The following CCDC88C variants were observed in gnomAD, a reference collection of about 807,000 sequenced individuals.
The protein encoded by CCDC88C is coiled-coil and HOOK domain protein 88C.
CCDC88C carries 131 observed loss-of-function variants against 198.8 expected under a neutral mutation model. The observed-to-expected ratio is 0.66, with a 90% CI of 0.57 to 0.76. The LOEUF is 0.76. Ranked by LOEUF, CCDC88C falls within the 30% of genes least tolerant of loss-of-function variation. CCDC88C has a pLI of 0.00. For synonymous variants in CCDC88C, 1,166 were observed against 1,114.7 expected (o/e 1.05, Z -0.92); for missense variants, 2,553 against 2,631.6 (o/e 0.97, Z 0.65).
At chr14:91,386,792 C>T (rs181451236) in intron 3 of CCDC88C, among the ~76,000 whole-genome samples, 5 of 152,286 alleles carry the variant, frequency 3.3e-5, no homozygotes, top group Admixed American at 3.3e-4. Flanking sequence ...CCAAAACAGC[C>T]CTGGGCTCTG....
rs187526513 is a variant in CCDC88C at position 91,310,260 on chromosome 14, C to A, written c.2737-274G>T. On this transcript the variant is annotated intron_variant, in intron 15 of 29. Coordinates refer to ENST00000389857, the MANE Select transcript of CCDC88C (RefSeq NM_001080414.4). ...TTCTCTAAGTCATGTATTTGAAATG[C>A]CACTTATGTTGACCTTTAAGTAGTA... Among the ~76,000 whole-genome samples the A allele has an allele frequency of 2.4e-3, 366 of 152,042 alleles. 2 individuals carry two copies. Among genetic ancestry groups the A allele is most frequent in the African/African-American group, 8.5e-3 (353 of 41,464 alleles).
chr14:91,312,331 T>G (rs932973958), intron 15 of CCDC88C, among the ~76,000 whole-genome samples: 1 of 152,076 alleles, frequency 6.6e-6, no homozygotes, highest in Admixed American at 6.5e-5. Flanking sequence ...GAGCCTGCAG[T>G]GAGCTGGGGT....
At position 91,363,734 on chromosome 14, in the gene CCDC88C, C is replaced by T. The variant is rs1285811; in HGVS notation, c.271-4023G>A. 8.7e-3 allele frequency among the ~76,000 whole-genome samples: 1,332 copies of T among 152,374 alleles called. 24 individuals are homozygous for T. Among genetic ancestry groups the T allele is most frequent in the East Asian group, 0.021 (110 of 5,182 alleles). Reference sequence around the variant, plus strand: ...AAAATTCATTTCCACAGTCACACTGCGGTATCTCCAGGCCCTGAAGGCCAC... The same window carrying T: ...AAAATTCATTTCCACAGTCACACTGTGGTATCTCCAGGCCCTGAAGGCCAC... On this transcript the variant is annotated intron_variant, in intron 3 of 29. Coordinates refer to ENST00000389857, the MANE Select transcript of CCDC88C (RefSeq NM_001080414.4).
chr14:91,392,370 G>A (rs1015553614), intron 3 of CCDC88C, among the ~76,000 whole-genome samples: 85 of 152,086 alleles, frequency 5.6e-4, no homozygotes, highest in African/African-American at 1.7e-3. Context: ...ATGGAGCTCC[G>A]AGGGGCTGGC....
At position 91,291,001 on chromosome 14, in the gene CCDC88C, G is replaced by T; in HGVS notation, c.4196C>A (p.Pro1399Gln). 6.4e-7 allele frequency: 1 copy of T among 1,570,974 alleles called. No individual in the cohort carries two copies. The highest frequency in any genetic ancestry group is 1.1e-5 in the South Asian group (1 of 87,768). The change falls in exon 24 of 30, where the codon CCA (proline) becomes CAA (glutamine). Residue 1399 changes from proline (P) to glutamine (Q), a missense_variant. Around this residue, in one of 2 missense-constraint regions of CCDC88C, gnomAD observed 1,293 missense variants for 1,219.6 expected, o/e 1.06. Coordinates refer to ENST00000389857, the MANE Select transcript of CCDC88C (RefSeq NM_001080414.4). ...TACACTTAAATCAACTCACTTCTTT[G>T]GAGGAGGATCATAGAACTTGTATTG... ...MDQYKFYDPP[P>Q]KKKNHWIGAK...
chr14:91,298,812 C>T (rs7141364), intron 21 of CCDC88C, among the ~76,000 whole-genome samples: 2,351 of 152,232 alleles, frequency 0.015, 60 homozygotes, highest in African/African-American at 0.054. Context: ...CCCGTATACA[C>T]GAACTCGAGT....
intron 3 of CCDC88C, among the ~76,000 whole-genome samples, chr14:91,376,303 A>G (rs1596130394): frequency 6.6e-6 from 1 of 152,208 alleles, no homozygotes; most frequent in East Asian, 1.9e-4. Context: ...CTTGGTCGCC[A>G]TCTTCTGCGC....
chr14:91,340,247 T>C (rs1742563), intron 6 of CCDC88C, among the ~76,000 whole-genome samples: 1,824 of 152,302 alleles, frequency 0.012, 30 homozygotes, highest in East Asian at 0.022. Flanking sequence ...GAGAGGATGC[T>C]GATTTTCAAA....
chr14:91,375,727 C>T (rs1314408881), intron 3 of CCDC88C, among the ~76,000 whole-genome samples: 18 of 152,204 alleles, frequency 1.2e-4, no homozygotes. Context: ...TGGACTCTTC[C>T]AGCCCAAGCC....
At position 91,281,524 on chromosome 14, in the gene CCDC88C, G is replaced by A. The variant is rs1262715427; in HGVS notation, c.4632C>T (p.Gly1544=). The A allele has an allele frequency of 1.2e-6, 2 of 1,613,800 alleles. No individual in the cohort carries two copies. The highest frequency in any genetic ancestry group is 1.7e-6 in the Non-Finnish European group (2 of 1,179,738). ...CACAGAGGTTGTCATCTGAGTTATAGCCTAAGGTGAAAATAAGGCTAGTGA... is the reference window on the plus strand; with the variant it reads ...CACAGAGGTTGTCATCTGAGTTATAACCTAAGGTGAAAATAAGGCTAGTGA... ...PIARHPGRTK[G]YNSDDNLCEP... The change falls in exon 27 of 30, where the codon GGC becomes GGT. Residue 1544 remains glycine, a splice_region_variant and synonymous_variant. Coordinates refer to ENST00000389857, the MANE Select transcript of CCDC88C (RefSeq NM_001080414.4).
At chr14:91,327,108 C>G (rs929297575) in intron 10 of CCDC88C, among the ~76,000 whole-genome samples, 1 of 152,200 alleles carries the variant, frequency 6.6e-6, no homozygotes, top group Non-Finnish European at 1.5e-5. Flanking sequence ...TGAGCTTCCC[C>G]CAAATGCCTT....
At chr14:91,282,110 G>C (rs1487681557) in intron 26 of CCDC88C, among the ~76,000 whole-genome samples, 1 of 152,184 alleles carries the variant, frequency 6.6e-6, no homozygotes, top group Non-Finnish European at 1.5e-5. Context: ...TTCTACCTGA[G>C]AGCAGACCCT....
chr14:91,326,939 C>T (rs1400278673), intron 10 of CCDC88C, among the ~76,000 whole-genome samples: 1 of 152,218 alleles, frequency 6.6e-6, no homozygotes, highest in African/African-American at 2.4e-5. Flanking sequence ...ATGTATACAG[C>T]TGAGGGGTGC....
chr14:91,300,994 C>T (rs1213795105), intron 20 of CCDC88C, among the ~76,000 whole-genome samples: 2 of 152,198 alleles, frequency 1.3e-5, no homozygotes, highest in Admixed American at 6.5e-5. Context: ...GCCAGTGTCC[C>T]TGGGGTTTCT....
rs776581160 is a variant in CCDC88C, at chr14:91,279,255, G to A, written c.4751C>T (p.Ser1584Leu). The A allele has an allele frequency of 2.5e-6, 4 of 1,600,310 alleles. No homozygotes were observed. Among genetic ancestry groups the A allele is most frequent in the South Asian group, 2.3e-5 (2 of 88,688 alleles). ...AGACTTACCTTTTAGGTTAAGAGGT[G>A]AGCTGTTGCTGGATGTGTTTCTACT... is the stretch of plus-strand genomic sequence containing the variant. ...ESSRNTSSNS[S>L]PLNLKGSSEQ... The change falls in exon 28 of 30, where the codon TCA (serine) becomes TTA (leucine). Residue 1584 changes from serine to leucine, a missense_variant. Ser to Leu is a moderately radical substitution (Grantham distance 145, BLOSUM62 -2). Around this residue, in one of 2 missense-constraint regions of CCDC88C, gnomAD observed 1,293 missense variants for 1,219.6 expected, o/e 1.06. Coordinates refer to ENST00000389857, the MANE Select transcript of CCDC88C (RefSeq NM_001080414.4).
At chr14:91,297,583 G>A in intron 21 of CCDC88C, 92 bp from the exon 22 acceptor site, 1 of 1,300,672 alleles carries the variant, frequency 7.7e-7, no homozygotes, top group East Asian at 2.5e-5. Flanking sequence ...AGCTCTGACA[G>A]TGGCAGGCTG....
chr14:91,379,966 G>C, intron 3 of CCDC88C: 1 of 698,180 alleles, frequency 1.4e-6, no homozygotes, highest in Admixed American at 2.0e-5. Context: ...GATATCGAAA[G>C]GGGTAAAACT....
intron 3 of CCDC88C, among the ~76,000 whole-genome samples, chr14:91,370,531 G>A (rs1374509354): frequency 1.3e-5 from 2 of 152,218 alleles, no homozygotes; most frequent in Non-Finnish European, 2.9e-5. Flanking sequence ...GAGCCCCTGA[G>A]CCAAAGAAGG....
intron 3 of CCDC88C, among the ~76,000 whole-genome samples, chr14:91,386,558 G>A (rs544502743): frequency 2.6e-5 from 4 of 152,318 alleles, no homozygotes; most frequent in South Asian, 2.1e-4. Context: ...CACCTGCCAC[G>A]GTGGCCATAG....
Sources: gnomAD v4.1 joint callset for allele counts (sites outside exome capture counted in the v4.1 genomes callset) on GRCh38, gnomAD v4.1.1 for gene constraint, gnomAD v4.1.1 regional missense constraint, MANE v1.5 for transcripts, NCBI Gene and HGNC (gene_info 2026-07-23, HGNC 2026-07-21) for gene names.